Variants in C14orf39 observed in about 807,000 individuals in gnomAD.
C14orf39 encodes protein SIX6OS1.
A neutral mutation model predicts 85.6 loss-of-function variants in C14orf39; 66 were observed. The observed-to-expected ratio is 0.77, with a 90% CI of 0.63 to 0.95. The LOEUF (loss-of-function observed/expected upper bound fraction) is 0.95, where lower values mean the gene tolerates loss of function less well. Ranked by LOEUF, C14orf39 falls within the 40% of genes least tolerant of loss-of-function variation. C14orf39 has a pLI of 0.00. For missense variants in C14orf39, 735 were observed against 663.9 expected, an observed-to-expected ratio of 1.11 and a Z score of -1.18; for synonymous variants, 242 against 214.0, an observed-to-expected ratio of 1.13 and a Z score of -1.14.
chr14:60,486,097 C>T (rs894005804), upstream of C14orf39: 1 of 152,402 alleles, frequency 6.6e-6, no homozygotes, highest in African/African-American at 2.4e-5. Context: ...TGGTACCAGC[C>T]CTGAGAGACC....
At position 60,469,644 on chromosome 14, in the gene C14orf39, C is replaced by T; in HGVS notation, c.564G>A (p.Leu188=). Residue 188 remains leucine (L), a synonymous_variant, in exon 8 of 18, where the codon TTG becomes TTA. Coordinates refer to ENST00000321731, the MANE Select transcript of C14orf39 (RefSeq NM_174978.3). ...LTKWTLNIVN[L]RCETQDILKH... is the part of the protein sequence containing the mutation. The stretch of plus-strand genomic sequence containing the variant: ...TAAGAATATCTTGTGTTTCACATCT[C>T]AAATTAACACTTTTTATGTTAAGGA... 7.7e-7 allele frequency: 1 copy of T among 1,297,910 alleles called. No homozygotes were observed. The highest frequency in any genetic ancestry group is 1.1e-6 in the Non-Finnish European group (1 of 950,422). The allele number at this position is 1,297,910 out of a possible 1,614,324, so 80.4% of individuals were successfully genotyped here.
chr14:60,513,632 C>A (rs1893325048), intron 1 of C14orf39, among the ~76,000 whole-genome samples: 1 of 152,080 alleles, frequency 6.6e-6, no homozygotes. Flanking sequence ...GCTTCCAAGT[C>A]CTAGAGGGAT....
intron 16 of C14orf39, among the ~76,000 whole-genome samples, chr14:60,452,911 T>C (rs562208971): frequency 1.3e-5 from 2 of 152,306 alleles, no homozygotes; most frequent in South Asian, 4.1e-4. Context: ...AATTCTGCTG[T>C]GGTCAGAGAA....
At chr14:60,455,960 T>TG (rs1240767890) in intron 15 of C14orf39, among the ~76,000 whole-genome samples, 1 of 152,116 alleles carries the variant, frequency 6.6e-6, no homozygotes, top group Non-Finnish European at 1.5e-5. Context: ...TTCTCATCCA[T>TG]GGGGAGAGGT....
intron 1 of C14orf39, chr14:60,509,362 C>G (rs1167821349): frequency 8.3e-6 from 13 of 1,574,774 alleles, no homozygotes; most frequent in Non-Finnish European, 1.1e-5. Flanking sequence ...TGTCCCGCTC[C>G]GGGCTCAGTG....
At chr14:60,477,398 AATTAT>A (rs1233693117) in intron 5 of C14orf39, among the ~76,000 whole-genome samples, 1 of 152,214 alleles carries the variant, frequency 6.6e-6, no homozygotes, top group African/African-American at 2.4e-5. Context: ...GTTCTCATCC[AATTAT>A]ATTAAAAATA....
intron 1 of C14orf39, among the ~76,000 whole-genome samples, chr14:60,506,360 C>T (rs1893203038): frequency 1.3e-5 from 2 of 152,236 alleles, no homozygotes; most frequent in African/African-American, 4.8e-5. Context: ...ATATACCCTT[C>T]TGTAAAATTA....
At chr14:60,502,113 G>C (rs1893156806) in intron 1 of C14orf39, among the ~76,000 whole-genome samples, 1 of 152,124 alleles carries the variant, frequency 6.6e-6, no homozygotes, top group South Asian at 2.1e-4. Flanking sequence ...AAACATCATT[G>C]CCCTAAAATA....
chr14:60,482,879 G>GGGGTGT lies in C14orf39; in HGVS notation c.233+811_233+812insACACCC, dbSNP rs71435509. Among the ~76,000 whole-genome samples the GGGGTGT allele has an allele frequency of 2.0e-5, 3 of 146,746 alleles. No homozygotes were observed. In the East Asian group the frequency reaches 6.0e-4, roughly 29 times the overall value. ...AAAAGGAAATACAGCTATATAGACA[G>GGGGTGT]GTGTGTGTGTGTGTGTGTGTGTGTG... On this transcript the variant is annotated intron_variant, in intron 4 of 17. Transcript: ENST00000321731.
chr14:60,496,313 C>A, intron 2 of C14orf39: 1 of 365,304 alleles, frequency 2.7e-6, no homozygotes, highest in South Asian at 2.3e-5. Context: ...GAAGCTGATT[C>A]ATCATACCTT....
At chr14:60,476,451 T>C (rs1892381652) in intron 5 of C14orf39, among the ~76,000 whole-genome samples, 1 of 152,234 alleles carries the variant, frequency 6.6e-6, no homozygotes, top group African/African-American at 2.4e-5. Context: ...AATTGGTGCC[T>C]CTACTTCCTC....
chr14:60,508,522 G>T (rs1255656405), intron 1 of C14orf39, among the ~76,000 whole-genome samples: 1 of 152,136 alleles, frequency 6.6e-6, no homozygotes, highest in South Asian at 2.1e-4. Context: ...ATTTTAGTGG[G>T]CTTTGAAGGG....
intron 15 of C14orf39, among the ~76,000 whole-genome samples, chr14:60,455,924 G>C (rs1426496139): frequency 6.6e-6 from 1 of 152,070 alleles, no homozygotes; most frequent in Non-Finnish European, 1.5e-5. Flanking sequence ...CCATAAATGA[G>C]TCACTTAACT....
chr14:60,480,195 G>T (rs1305356152), intron 4 of C14orf39, among the ~76,000 whole-genome samples: 1 of 152,158 alleles, frequency 6.6e-6, no homozygotes, highest in South Asian at 2.1e-4. Flanking sequence ...GGTAAGGCAG[G>T]CATATCACCT....
At chr14:60,465,588 A>G (rs1426594014) in intron 11 of C14orf39, among the ~76,000 whole-genome samples, 1 of 152,036 alleles carries the variant, frequency 6.6e-6, no homozygotes, top group African/African-American at 2.4e-5. Flanking sequence ...TCATCCGTAT[A>G]CCTTTATCTT....
chr14:60,474,917 A>C (rs375698608), intron 5 of C14orf39, among the ~76,000 whole-genome samples: 5 of 152,192 alleles, frequency 3.3e-5, no homozygotes, highest in African/African-American at 9.7e-5. Flanking sequence ...TGGCCTCATA[A>C]AATGAGTTAG....
At chr14:60,456,292 T>C (rs755687112) in intron 15 of C14orf39, among the ~76,000 whole-genome samples, 8 of 152,088 alleles carry the variant, frequency 5.3e-5, no homozygotes, top group Non-Finnish European at 1.2e-4. Flanking sequence ...GAGATATTTA[T>C]GCCTAAAGAG....
chr14:60,490,583 C>T (rs560197578), upstream of C14orf39, among the ~76,000 whole-genome samples: 1 of 152,134 alleles, frequency 6.6e-6, no homozygotes, highest in African/African-American at 2.4e-5. Context: ...ATGATCGCAC[C>T]ACTGCACTCC....
intron 1 of C14orf39, among the ~76,000 whole-genome samples, chr14:60,504,669 T>G (rs1297546149): frequency 6.6e-6 from 1 of 152,226 alleles, no homozygotes; most frequent in Non-Finnish European, 1.5e-5. Context: ...CACTGATATG[T>G]AGCTCTAAGC....
Sources: allele counts gnomAD v4.1 joint callset (sites outside exome capture counted in the v4.1 genomes callset), GRCh38; gene constraint gnomAD v4.1.1; transcripts MANE v1.5; gene names NCBI Gene and HGNC (gene_info 2026-07-23, HGNC 2026-07-21).